Variants in SLFN14 observed in about 807,000 individuals in gnomAD.
The protein encoded by SLFN14 is schlafen family member 14, also known as protein SLFN14.
In SLFN14, 47 loss-of-function variants were observed where a neutral mutation model predicts 58.6. The observed-to-expected ratio is 0.80, with a 90% CI of 0.64 to 1.02. SLFN14 has a LOEUF of 1.02. Among genes scored for constraint, SLFN14 ranks in the 50% least tolerant of loss-of-function variants. The pLI, the probability that SLFN14 is intolerant of heterozygous loss-of-function variation, is 0.00. For synonymous variants in SLFN14, 390 were observed against 387.3 expected, an observed-to-expected ratio of 1.01 and a Z score of -0.08; for missense variants, 967 against 1,078.4, an observed-to-expected ratio of 0.90 and a Z score of 1.45.
chr17:35,556,891 T>C (rs2072656798), intron 3 of SLFN14, 112 bp downstream of exon 3: 3 of 1,020,404 alleles, frequency 2.9e-6, no homozygotes, highest in South Asian at 3.6e-5. Context: ...AGAACACTTA[T>C]AAGAAAAATA....
At chr17:35,556,217 G>T (rs990256670) in intron 3 of SLFN14, among the ~76,000 whole-genome samples, 3 of 151,712 alleles carry the variant, frequency 2.0e-5, no homozygotes, top group Non-Finnish European at 4.4e-5. Context: ...TTTATATTTG[G>T]GGGAGAGATA....
At position 35,544,262 on chromosome 17, in the gene SLFN14, C is replaced by T. The variant is rs11080353; in HGVS notation, c.*3977G>A. 0.26 allele frequency among the ~76,000 whole-genome samples: 38,824 copies of T among 152,032 alleles called. 5,174 individuals are homozygous for T. The highest frequency in any genetic ancestry group is 0.4 in the Middle Eastern group (117 of 294). Reference sequence around the variant, plus strand: ...AAGTCACATGACCAAGGCCACATTACAGGGGTGGAAAATATCTCTACCTCT... The same window carrying T: ...AAGTCACATGACCAAGGCCACATTATAGGGGTGGAAAATATCTCTACCTCT... On this transcript the variant is annotated 3_prime_UTR_variant, in exon 6 of 6. Coordinates refer to ENST00000674182, the MANE Select transcript of SLFN14 (RefSeq NM_001129820.2).
rs973515351 is a variant in SLFN14 at position 35,544,640 on chromosome 17, T to C, written c.*3599A>G. 1.3e-5 allele frequency among the ~76,000 whole-genome samples: 2 copies of C among 151,828 alleles called. No individual in the cohort carries two copies. The highest frequency in any genetic ancestry group is 4.8e-5 in the African/African-American group (2 of 41,308). On this transcript the variant is annotated 3_prime_UTR_variant, in exon 6 of 6. Coordinates refer to ENST00000674182, the MANE Select transcript of SLFN14 (RefSeq NM_001129820.2). ...ACCTCCCAGGTTCAAGCAATTCTCC[T>C]GCCTCAGCCTCCCAAGTAGCTGGGA...
chr17:35,557,348 G>C lies in SLFN14; in HGVS notation c.715C>G (p.Gln239Glu). 1.3e-6 allele frequency: 2 copies of C among 1,551,654 alleles called. No individual in the cohort carries two copies. Among genetic ancestry groups the C allele is most frequent in the Non-Finnish European group, 1.7e-6 (2 of 1,146,980 alleles). ...PHYVSAFANT[Q>E]GGYVLIGVDD... ...ACCCCAATGAGGACATATCCCCCTT[G>C]AGTGTTGGCAAATGCAGAAACATAA... Residue 239 changes from glutamine (Q) to glutamate (E), a missense_variant, in exon 3 of 6, where the codon CAA becomes GAA. Transcript: ENST00000674182.
At chr17:35,553,512 G>T (rs1174509574) in intron 4 of SLFN14, 68 bp from the exon 5 acceptor site, 6 of 1,267,628 alleles carry the variant, frequency 4.7e-6, no homozygotes, top group Non-Finnish European at 6.4e-6. Flanking sequence ...CTGCAACGTT[G>T]CAGAAAAAAA....
chr17:35,555,367 G>A (rs1227475837), intron 3 of SLFN14, among the ~76,000 whole-genome samples: 2 of 119,988 alleles, frequency 1.7e-5, no homozygotes, highest in African/African-American at 6.2e-5. Context: ...GCGAGACTCC[G>A]TCTCAAAAAA....
intron 2 of SLFN14, among the ~76,000 whole-genome samples, 152 bp from the exon 3 acceptor site, chr17:35,558,258 T>G (rs1381094480): frequency 6.6e-6 from 1 of 152,064 alleles, no homozygotes; most frequent in African/African-American, 2.4e-5. Context: ...TTGTTTTGGG[T>G]TTTTTAGTTT....
chr17:35,546,272 A>G lies in SLFN14; in HGVS notation c.*1967T>C, dbSNP rs538475165. On this transcript the variant is annotated 3_prime_UTR_variant, in exon 6 of 6. Coordinates refer to ENST00000674182, the MANE Select transcript of SLFN14 (RefSeq NM_001129820.2). ...CGATTGCTGAACTTCATTTCCTCCT[A>G]TCCAAAACTACCCTAAAGCCCCCAA... is the stretch of plus-strand genomic sequence containing the variant. Among the ~76,000 whole-genome samples the G allele has an allele frequency of 6.6e-6, 1 of 152,272 alleles. No individual in the cohort carries two copies. Among genetic ancestry groups the G allele is most frequent in the East Asian group, 1.9e-4 (1 of 5,180 alleles).
intron 2 of SLFN14, among the ~76,000 whole-genome samples, chr17:35,558,911 G>A (rs1460225939): frequency 6.6e-6 from 1 of 152,110 alleles, no homozygotes; most frequent in African/African-American, 2.4e-5. Flanking sequence ...AGAAGATCTT[G>A]CTATAAACAC....
At position 35,546,224 on chromosome 17, in the gene SLFN14, T is replaced by C. The variant is rs2072533598; in HGVS notation, c.*2015A>G. Among the ~76,000 whole-genome samples, 1 of 152,216 alleles carries C rather than the reference T, an allele frequency of 6.6e-6. No individual in the cohort carries two copies. The highest frequency in any genetic ancestry group is 2.4e-5 in the African/African-American group (1 of 41,472). ...ACATCTCCCTACATCAGAATGTCAA[T>C]GCACTGGCATCTTTTGCAAAACCGA... is the stretch of plus-strand genomic sequence containing the variant. On this transcript the variant is annotated 3_prime_UTR_variant, in exon 6 of 6. Transcript: ENST00000674182.
In SLFN14 at chr17:35,557,261, T is replaced by G. The variant is rs1266461411; in HGVS notation, c.802A>C (p.Lys268Gln). The G allele has an allele frequency of 6.4e-7, 1 of 1,551,622 alleles. No individual in the cohort carries two copies. Residue 268 changes from lysine to glutamine, a missense_variant, in exon 3 of 6, where the codon AAA (lysine) becomes CAA (glutamine). Transcript: ENST00000674182. The part of the protein sequence containing the change: ...KWEKVNPDLL[K>Q]KEIENCIEKL... Reference sequence around the variant, plus strand: ...TCTATGCAGTTTTCGATTTCTTTTTTTAGTAAGTCAGGATTCACTTTTTCC... The same window carrying G: ...TCTATGCAGTTTTCGATTTCTTTTTGTAGTAAGTCAGGATTCACTTTTTCC...
At chr17:35,552,223 C>A (rs566798662) in intron 5 of SLFN14, among the ~76,000 whole-genome samples, 2 of 152,078 alleles carry the variant, frequency 1.3e-5, no homozygotes, top group Non-Finnish European at 2.9e-5. Context: ...CGGTGGTCGG[C>A]CAACTTCCCC....
rs771310864 is a variant in SLFN14, at chr17:35,557,927, T to A, written c.136A>T (p.Ile46Phe). The change falls in exon 3 of 6, where the codon ATC (isoleucine) becomes TTC (phenylalanine). Residue 46 changes from isoleucine (I) to phenylalanine (F), a missense_variant. Coordinates refer to ENST00000674182, the MANE Select transcript of SLFN14 (RefSeq NM_001129820.2). ...CLKRSENSRI[I>F]RAICALLNSG... is the part of the protein sequence containing the mutation. ...TTTAACAGTGCACATATAGCCCGGA[T>A]AATTCTAGAATTCTCAGATCTTTTC... is the stretch of plus-strand genomic sequence containing the variant. 2 of 1,551,618 alleles carry A rather than the reference T, an allele frequency of 1.3e-6. No individual in the cohort carries two copies. The highest frequency in any genetic ancestry group is 1.7e-6 in the Non-Finnish European group (2 of 1,147,004).
chr17:35,554,892 G>T, intron 3 of SLFN14, 188 bp from the exon 4 acceptor site: 1 of 369,972 alleles, frequency 2.7e-6, no homozygotes. Context: ...TTCCTACAGG[G>T]GACATATCAC....
In SLFN14 at chr17:35,548,484, G is replaced by T; in HGVS notation, c.2494C>A (p.Leu832Ile). 1 of 1,551,728 alleles carries T rather than the reference G, an allele frequency of 6.4e-7. No individual in the cohort carries two copies. ...GEDRGRYRLALLKAMELIETH... is the reference protein window; with the variant it reads ...GEDRGRYRLAILKAMELIETH... Reference sequence around the variant, plus strand: ...TCAATTAATTCCATTGCTTTGAGTAGTGCAAGCCTATAGCGTCCTCTGTCC... The same window carrying T: ...TCAATTAATTCCATTGCTTTGAGTATTGCAAGCCTATAGCGTCCTCTGTCC... The change falls in exon 6 of 6, where the codon CTA becomes ATA. Residue 832 changes from leucine to isoleucine, a missense_variant. Transcript: ENST00000674182.
In SLFN14 at chr17:35,548,952, T is replaced by A; in HGVS notation, c.2026A>T (p.Met676Leu). 1.3e-6 allele frequency: 2 copies of A among 1,551,750 alleles called. No individual in the cohort carries two copies. Among genetic ancestry groups the A allele is most frequent in the South Asian group, 2.4e-5 (2 of 84,068 alleles). ...GGATGGGTGATGTTCTTAGCCTTCA[T>A]GTACCAATTGCCATATTTGCTGCAG... is the stretch of plus-strand genomic sequence containing the variant. ...NFCSKYGNWY[M>L]KAKNITHPKA... The change falls in exon 6 of 6, where the codon ATG becomes TTG. Residue 676 changes from methionine to leucine, a missense_variant. Physicochemically the swap from Met to Leu is conservative, Grantham distance 15. Coordinates refer to ENST00000674182, the MANE Select transcript of SLFN14 (RefSeq NM_001129820.2).
rs763488915 is a variant in SLFN14 at position 35,553,323 on chromosome 17, T to C, written c.1311A>G (p.Ile437Met). 5.2e-6 allele frequency: 8 copies of C among 1,551,604 alleles called. No homozygotes were observed. Among genetic ancestry groups the C allele is most frequent in the Non-Finnish European group, 7.0e-6 (8 of 1,146,984 alleles). ...LIHPCSQGIV[I>M]FSRSWAGDVG... ...CATCACCAGCCCAGCTTCTAGAAAA[T>C]ATCACAATCCCCTGAGAACAAGGAT... is the stretch of plus-strand genomic sequence containing the variant. Residue 437 changes from isoleucine (I) to methionine (M), a missense_variant, in exon 5 of 6, where the codon ATA (isoleucine) becomes ATG (methionine). Transcript: ENST00000674182.
Position 35,548,205 on chromosome 17 carries a change from T to C in SLFN14, c.*34A>G, listed in dbSNP as rs572091780. The C allele has an allele frequency of 4.6e-6, 7 of 1,534,008 alleles. No individual in the cohort carries two copies. Among genetic ancestry groups the C allele is most frequent in the East Asian group, 4.9e-5 (2 of 40,800 alleles). On this transcript the variant is annotated 3_prime_UTR_variant, in exon 6 of 6. Coordinates refer to ENST00000674182, the MANE Select transcript of SLFN14 (RefSeq NM_001129820.2). Reference sequence around the variant, plus strand: ...ACCTGTCTAGGAGAAAGGACTCTGCTCTTCCTGTCTTCCTCTATTATTTGT... The same window carrying C: ...ACCTGTCTAGGAGAAAGGACTCTGCCCTTCCTGTCTTCCTCTATTATTTGT...
chr17:35,558,404 A>C (rs1403827089), intron 2 of SLFN14, among the ~76,000 whole-genome samples: 1 of 151,926 alleles, frequency 6.6e-6, no homozygotes, highest in Non-Finnish European at 1.5e-5. Context: ...AGATGAGACT[A>C]CAGACACGTG....
Sources: gnomAD v4.1 joint callset for allele counts (sites outside exome capture counted in the v4.1 genomes callset) on GRCh38, gnomAD v4.1.1 for gene constraint, MANE v1.5 for transcripts, NCBI Gene and HGNC (gene_info 2026-07-23, HGNC 2026-07-21) for gene names.